The following CBL variants were observed in gnomAD, a reference collection of about 807,000 sequenced individuals.
CBL encodes the protein Cbl proto-oncogene, also known as E3 ubiquitin-protein ligase CBL.
A neutral mutation model predicts 96.9 loss-of-function variants in CBL; 45 were observed. The observed-to-expected ratio is 0.46, with a 90% confidence interval of 0.37 to 0.60. The LOEUF is 0.60. CBL is among the 20% of genes least tolerant of loss of function. The pLI, the probability that CBL is intolerant of heterozygous loss-of-function variation, is 0.00. For synonymous variants in CBL, 420 were observed against 426.8 expected (o/e 0.98, Z 0.20); for missense variants, 1,024 against 1,143.5 (o/e 0.90, Z 1.51).
rs1402336710 is a variant in CBL, at chr11:119,276,259, T to A, written c.1007+125T>A. 3.0e-6 allele frequency: 3 copies of A among 1,012,186 alleles called. No homozygotes were observed. The East Asian group carries it at 7.3e-5, about 25-fold the overall frequency. The allele number at this position is 1,012,186 out of a possible 1,614,324, so 62.7% of individuals were successfully genotyped here. A position where few individuals can be genotyped will look rare whatever the true frequency, so the allele number is the denominator to read the frequency against. On this transcript the variant is annotated intron_variant, in intron 6 of 15. Transcript: ENST00000264033. ...TAAGATTCAGGAAAATATTAACAGATGATATTGATTTGACCTTCAGGTCCT... is the reference window on the plus strand; with the variant it reads ...TAAGATTCAGGAAAATATTAACAGAAGATATTGATTTGACCTTCAGGTCCT...
At chr11:119,273,296 A>G (rs1949862368) in intron 3 of CBL, among the ~76,000 whole-genome samples, 1 of 152,198 alleles carries the variant, frequency 6.6e-6, no homozygotes, top group African/African-American at 2.4e-5. Context: ...GGCCAGGCAC[A>G]GTGGCTCACT....
chr11:119,269,246 CTTTTTTTTT>C (rs11317875), intron 2 of CBL, among the ~76,000 whole-genome samples: 7 of 118,350 alleles, frequency 5.9e-5, no homozygotes, highest in Admixed American at 5.1e-4. Flanking sequence ...TGGATAAGTG[CTTTTTTTTT>C]TTTTTTTTTT....
At chr11:119,262,928 C>T (rs1949765099) in intron 2 of CBL, among the ~76,000 whole-genome samples, 1 of 152,200 alleles carries the variant, frequency 6.6e-6, no homozygotes, top group Admixed American at 6.5e-5. Context: ...AGCCCTGGCT[C>T]TTGAATTTCA....
intron 1 of CBL, among the ~76,000 whole-genome samples, chr11:119,222,702 T>TTTTTG (rs1949420639): frequency 6.6e-6 from 1 of 152,226 alleles, no homozygotes; most frequent in Non-Finnish European, 1.5e-5. Flanking sequence ...TTTTGAAGGT[T>TTTTTG]AACTATGACT....
At chr11:119,269,706 T>G (rs1318078477) in intron 2 of CBL, among the ~76,000 whole-genome samples, 1 of 152,008 alleles carries the variant, frequency 6.6e-6, no homozygotes, top group Non-Finnish European at 1.5e-5. Flanking sequence ...AATTTTATAG[T>G]ACATTTATGC....
In CBL at chr11:119,305,537, GCT is replaced by G; in HGVS notation, c.*5759_*5760del. On this transcript the variant is annotated 3_prime_UTR_variant, in exon 16 of 16. Coordinates refer to ENST00000264033, the MANE Select transcript of CBL (RefSeq NM_005188.4). ...TCTCGCTCCTTCCTGTGTGAGGGCC[GCT>G]CTGCAGTAATGTTCTCAGGCAAGCC... 1 of 228,706 alleles carries G rather than the reference GCT, an allele frequency of 4.4e-6. No individual in the cohort carries two copies. Among genetic ancestry groups the G allele is most frequent in the South Asian group, 1.8e-4 (1 of 5,484 alleles). 14.2% of individuals were successfully genotyped at this position (228,706 alleles called of 1,614,324 possible).
chr11:119,248,521 C>G (rs2135278051), intron 2 of CBL, among the ~76,000 whole-genome samples: 1 of 152,192 alleles, frequency 6.6e-6, no homozygotes, highest in East Asian at 1.9e-4. Context: ...TATCAAAGAC[C>G]TAAATTTAAG....
Position 119,287,910 on chromosome 11 carries a change from C to A in CBL, c.2000C>A (p.Ser667Tyr). ...TGTGACCACCCCAAAATCAAACCTTCCTCATCTGCCAATGCCATTTATTCT... is the reference window on the plus strand; with the variant it reads ...TGTGACCACCCCAAAATCAAACCTTACTCATCTGCCAATGCCATTTATTCT... Reference protein sequence around the residue: ...PECDHPKIKPSSSANAIYSLA... With the variant: ...PECDHPKIKPYSSANAIYSLA... Residue 667 changes from serine to tyrosine, a missense_variant, in exon 12 of 16, where the codon TCC becomes TAC. By Grantham distance (144) the Ser-to-Tyr change is moderately radical (BLOSUM62 -2). Around this residue, in one of 4 missense-constraint regions of CBL, gnomAD observed 695 missense variants for 661.6 expected, o/e 1.05. Coordinates refer to ENST00000264033, the MANE Select transcript of CBL (RefSeq NM_005188.4). 1 of 1,613,684 alleles carries A rather than the reference C, an allele frequency of 6.2e-7. No homozygotes were observed. Among genetic ancestry groups the A allele is most frequent in the South Asian group, 1.1e-5 (1 of 91,076 alleles).
At chr11:119,212,583 AC>A (rs1401255985) in intron 1 of CBL, among the ~76,000 whole-genome samples, 1 of 152,152 alleles carries the variant, frequency 6.6e-6, no homozygotes, top group Non-Finnish European at 1.5e-5. Flanking sequence ...CCGAGATCGC[AC>A]CATTGCATGC....
rs906413717 is a variant in CBL, at chr11:119,305,929, C to T, written c.*6148C>T. The stretch of plus-strand genomic sequence containing the variant: ...AAGTTACCTAATAATCCAAAGATGT[C>T]CATCAAGGGAGGAAGGGTGGGTCAT... On this transcript the variant is annotated 3_prime_UTR_variant, in exon 16 of 16. Transcript: ENST00000264033. 3.7e-6 allele frequency: 1 copy of T among 266,926 alleles called. No individual in the cohort carries two copies. Among genetic ancestry groups the T allele is most frequent in the African/African-American group, 2.2e-5 (1 of 46,352 alleles). 16.5% of individuals were successfully genotyped at this position (266,926 alleles called of 1,614,324 possible). A position where few individuals can be genotyped will look rare whatever the true frequency, so the allele number is the denominator to read the frequency against.
At position 119,297,436 on chromosome 11, in the gene CBL, A is replaced by G. The variant is rs397507497; in HGVS notation, c.2206A>G (p.Asn736Asp). The G allele has an allele frequency of 2.0e-5, 32 of 1,613,794 alleles. No homozygotes were observed. Among genetic ancestry groups the G allele is most frequent in the African/African-American group, 5.3e-5 (4 of 74,908 alleles). Residue 736 changes from asparagine to aspartate, a missense_variant, in exon 14 of 16, where the codon AAT (asparagine) becomes GAT (aspartate). By Grantham distance (23) the Asn-to-Asp change is conservative. Coordinates refer to ENST00000264033, the MANE Select transcript of CBL (RefSeq NM_005188.4). Reference protein sequence around the residue: ...IDSCTYEAMYNIQSQAPSITE... With the variant: ...IDSCTYEAMYDIQSQAPSITE... The stretch of plus-strand genomic sequence containing the variant: ...TAGCTGTACGTATGAAGCAATGTAT[A>G]ATATTCAGTCCCAGGCGCCATCTAT...
At chr11:119,218,770 G>A (rs534212375) in intron 1 of CBL, among the ~76,000 whole-genome samples, 17 of 152,308 alleles carry the variant, frequency 1.1e-4, no homozygotes, top group Non-Finnish European at 2.2e-4. Context: ...GACCCTCAAA[G>A]CATAAGAGTA....
At chr11:119,246,382 C>T (rs1592384346) in intron 2 of CBL, among the ~76,000 whole-genome samples, 1 of 152,112 alleles carries the variant, frequency 6.6e-6, no homozygotes, top group African/African-American at 2.4e-5. Context: ...GGAGAAAATT[C>T]AGCTACCCAC....
At chr11:119,248,290 C>A (rs1425294298) in intron 2 of CBL, among the ~76,000 whole-genome samples, 1 of 152,158 alleles carries the variant, frequency 6.6e-6, no homozygotes, top group East Asian at 1.9e-4. Flanking sequence ...GACCAGTAGA[C>A]TAGAATTGAG....
intron 4 of CBL, 59 bp downstream of exon 4, chr11:119,274,083 T>A: frequency 4.0e-6 from 3 of 752,414 alleles, no homozygotes; most frequent in South Asian, 2.2e-5. Flanking sequence ...AGAGAAAGCT[T>A]TTTTTTTTTT....
chr11:119,243,065 G>A (rs1328423579), intron 2 of CBL, among the ~76,000 whole-genome samples: 1 of 152,012 alleles, frequency 6.6e-6, no homozygotes. Flanking sequence ...ATTACCTGAG[G>A]TCAGGAGTTT....
At chr11:119,270,477 C>A (rs1437569030) in intron 2 of CBL, among the ~76,000 whole-genome samples, 1 of 107,198 alleles carries the variant, frequency 9.3e-6, no homozygotes, top group South Asian at 3.1e-4. Context: ...GACGGAGTCT[C>A]GCTCTGTCGC....
In CBL at chr11:119,299,815, A is replaced by G. The variant is rs1950089353; in HGVS notation, c.*34A>G. 4.4e-6 allele frequency: 7 copies of G among 1,609,008 alleles called. No homozygotes were observed. The highest frequency in any genetic ancestry group is 5.9e-6 in the Non-Finnish European group (7 of 1,177,348). ...CTCCCTGCTGCAGGTTTAGAGGACC[A>G]GTGAGTTGGGAGTTATTACTCAAGT... On this transcript the variant is annotated 3_prime_UTR_variant, in exon 16 of 16. Transcript: ENST00000264033.
At position 119,206,619 on chromosome 11, in the gene CBL, G is replaced by A. The variant is rs1011519995; in HGVS notation, c.195+7G>A. 2.6e-6 allele frequency: 4 copies of A among 1,546,496 alleles called. No individual in the cohort carries two copies. In the African/African-American group the frequency reaches 4.1e-5, roughly 16 times the overall value. On this transcript the variant is annotated splice_region_variant and intron_variant, in intron 1 of 15. Coordinates refer to ENST00000264033, the MANE Select transcript of CBL (RefSeq NM_005188.4). ...CTGGAAGCTCATGGACAAGGTGAAA[G>A]GCCGGCTGAGCGCCCGCTGTTGCAG...
Sources: gnomAD v4.1 joint callset for allele counts (sites outside exome capture counted in the v4.1 genomes callset) on GRCh38, gnomAD v4.1.1 for gene constraint, gnomAD v4.1.1 regional missense constraint, MANE v1.5 for transcripts, NCBI Gene and HGNC (gene_info 2026-07-23, HGNC 2026-07-21) for gene names.